The following TNR variants were observed in gnomAD, a reference collection of about 807,000 sequenced individuals.
The protein encoded by TNR is tenascin R.
TNR carries 45 observed loss-of-function variants against 150.4 expected under a neutral mutation model. The observed-to-expected ratio is 0.30, with a 90% CI of 0.24 to 0.38. The LOEUF is 0.38. Among genes scored for constraint, TNR ranks in the 10% least tolerant of loss-of-function variants. The pLI is 1.00. For synonymous variants in TNR, 687 were observed against 678.4 expected, an observed-to-expected ratio of 1.01 and a Z score of -0.20; for missense variants, 1,544 against 1,759.1, an observed-to-expected ratio of 0.88 and a Z score of 2.19.
intron 21 of TNR, among the ~76,000 whole-genome samples, chr1:175,325,956 A>G (rs34789755): frequency 0.048 from 7,254 of 152,274 alleles, 242 homozygotes; most frequent in Middle Eastern, 0.19. Flanking sequence ...AACATGGCAC[A>G]TGTATACATA....
At chr1:175,533,905 A>C (rs1350094351) in intron 1 of TNR, among the ~76,000 whole-genome samples, 1 of 152,172 alleles carries the variant, frequency 6.6e-6, no homozygotes, top group Non-Finnish European at 1.5e-5. Context: ...CCAGAAAAGC[A>C]CACAGTCACA....
intron 18 of TNR, among the ~76,000 whole-genome samples, chr1:175,344,219 G>T (rs1650664054): frequency 6.6e-6 from 1 of 152,210 alleles, no homozygotes; most frequent in Non-Finnish European, 1.5e-5. Flanking sequence ...GGGATGGCCG[G>T]TGCTTAGGGT....
At chr1:175,324,275 T>A in intron 22 of TNR, 81 bp downstream of exon 22, 1 of 1,437,138 alleles carries the variant, frequency 7.0e-7, no homozygotes, top group Non-Finnish European at 9.4e-7. Context: ...AGGACTCACA[T>A]GTGCTTTTAA....
chr1:175,452,150 T>C (rs1172594103), intron 2 of TNR, among the ~76,000 whole-genome samples: 2 of 152,152 alleles, frequency 1.3e-5, no homozygotes, highest in African/African-American at 4.8e-5. Flanking sequence ...TCCTTTGAGG[T>C]CCCAGGACCC....
At chr1:175,441,465 T>C (rs529136494) in intron 2 of TNR, among the ~76,000 whole-genome samples, 177 of 152,222 alleles carry the variant, frequency 1.2e-3, no homozygotes, top group Non-Finnish European at 2.4e-3. Context: ...CCAACTTAAA[T>C]ATTTGTTAAT....
intron 1 of TNR, among the ~76,000 whole-genome samples, chr1:175,732,025 AG>A (rs1362892803): frequency 6.6e-6 from 1 of 152,164 alleles, no homozygotes; most frequent in Non-Finnish European, 1.5e-5. Flanking sequence ...ACTCCAGAGC[AG>A]GAATGTGCCT....
intron 1 of TNR, among the ~76,000 whole-genome samples, chr1:175,727,876 G>A (rs989333884): frequency 2.0e-5 from 3 of 152,130 alleles, no homozygotes; most frequent in African/African-American, 4.8e-5. Context: ...TAAAAAGTGA[G>A]GGCAACTGTC....
chr1:175,375,465 A>G (rs1652329239), intron 9 of TNR, among the ~76,000 whole-genome samples: 1 of 147,142 alleles, frequency 6.8e-6, no homozygotes. Flanking sequence ...GACATTGCCT[A>G]CAGAGAATAA....
At chr1:175,707,733 C>T (rs73035456) in intron 1 of TNR, among the ~76,000 whole-genome samples, 9 of 152,174 alleles carry the variant, frequency 5.9e-5, no homozygotes, top group Non-Finnish European at 8.8e-5. Context: ...AGAAATTATT[C>T]GGAAGGTTTA....
chr1:175,406,837 C>G, intron 2 of TNR, 60 bp from the exon 3 acceptor site: 1 of 1,301,650 alleles, frequency 7.7e-7, no homozygotes, highest in South Asian at 1.4e-5. Context: ...CACCATGGCT[C>G]TGCACAAGCC....
chr1:175,518,146 C>G (rs17304735), intron 2 of TNR, among the ~76,000 whole-genome samples: 16,641 of 152,234 alleles, frequency 0.11, 1,185 homozygotes, highest in Non-Finnish European at 0.17. Flanking sequence ...CTTCTGTAAG[C>G]AGTTGTGTTT....
intron 2 of TNR, among the ~76,000 whole-genome samples, chr1:175,510,642 G>C (rs1176723687): frequency 6.6e-6 from 1 of 152,188 alleles, no homozygotes; most frequent in Non-Finnish European, 1.5e-5. Context: ...ACAAACTCCT[G>C]ATTCAGGAAA....
intron 9 of TNR, among the ~76,000 whole-genome samples, chr1:175,378,662 T>C (rs887407340): frequency 7.2e-5 from 11 of 152,246 alleles, no homozygotes; most frequent in East Asian, 1.9e-4. Context: ...CAGTCCTATA[T>C]AGCAGGAGGG....
At chr1:175,603,652 G>T (rs769497913) in intron 1 of TNR, among the ~76,000 whole-genome samples, 6 of 152,358 alleles carry the variant, frequency 3.9e-5, no homozygotes, top group Middle Eastern at 3.4e-3. Flanking sequence ...GGTTAAATCA[G>T]GGGTACTGGC....
chr1:175,735,345 T>C (rs1667745219), intron 1 of TNR, among the ~76,000 whole-genome samples: 2 of 152,186 alleles, frequency 1.3e-5, no homozygotes, highest in Admixed American at 1.3e-4. Flanking sequence ...TGATCTGCTC[T>C]CCACACCTGT....
At chr1:175,434,822 C>A (rs1655424840) in intron 2 of TNR, among the ~76,000 whole-genome samples, 1 of 152,154 alleles carries the variant, frequency 6.6e-6, no homozygotes, top group Non-Finnish European at 1.5e-5. Context: ...CTTGACAATT[C>A]TTGGTTCCTT....
intron 2 of TNR, among the ~76,000 whole-genome samples, chr1:175,450,338 C>T (rs944664744): frequency 2.0e-5 from 3 of 152,196 alleles, no homozygotes. Context: ...AAGCCCTAGT[C>T]CCTTGCAACT....
rs573015639 is a variant in TNR, at chr1:175,429,366, G to C, written c.-63-22589C>G. Among the ~76,000 whole-genome samples the C allele has an allele frequency of 6.6e-5, 10 of 152,306 alleles. No homozygotes were observed. In the East Asian group the frequency reaches 1.9e-3, roughly 29 times the overall value. On this transcript the variant is annotated intron_variant, in intron 2 of 22. Transcript: ENST00000367674. ...ATGCAGAAATGGGAGGCAGCATCAA[G>C]TGGTATTAAAAGAACAGATTCTAAA...
chr1:175,401,094 C>T (rs901897253), intron 4 of TNR, among the ~76,000 whole-genome samples: 11 of 152,292 alleles, frequency 7.2e-5, no homozygotes, highest in Non-Finnish European at 1.5e-4. Context: ...TCAGAGGTAA[C>T]GTGCTCATAG....
Sources: allele counts gnomAD v4.1 joint callset (sites outside exome capture counted in the v4.1 genomes callset), GRCh38; gene constraint gnomAD v4.1.1; transcripts MANE v1.5; gene names NCBI Gene and HGNC (gene_info 2026-07-23, HGNC 2026-07-21).